The following SPSB4 variants were observed in gnomAD, a reference collection of about 807,000 sequenced individuals.
The protein encoded by SPSB4 is SPRY domain-containing SOCS box protein 4.
SPSB4 carries 21 observed loss-of-function variants against 20.9 expected under a neutral mutation model. That is an observed-to-expected ratio of 1.01 (90% CI 0.71 to 1.45). The LOEUF (loss-of-function observed/expected upper bound fraction) is 1.45, where lower values mean the gene tolerates loss of function less well. SPSB4 is among the 40% of genes most tolerant of loss of function. The pLI, the probability that SPSB4 is intolerant of heterozygous loss-of-function variation, is 0.00. For missense variants in SPSB4, 399 were observed against 399.2 expected (o/e 1.00, Z 0.00); for synonymous variants, 207 against 183.8 (o/e 1.13, Z -1.02).
At chr3:141,063,952 C>G (rs1251227563) in intron 1 of SPSB4, among the ~76,000 whole-genome samples, 1 of 152,260 alleles carries the variant, frequency 6.6e-6, no homozygotes, top group African/African-American at 2.4e-5. Context: ...GAGCCCTCCT[C>G]TCACTCTGCC....
chr3:141,129,048 A>G (rs753147740), intron 2 of SPSB4, among the ~76,000 whole-genome samples: 2 of 152,196 alleles, frequency 1.3e-5, no homozygotes, highest in Admixed American at 6.5e-5. Context: ...GCAACAGTGT[A>G]GCTCCCTTTA....
intron 2 of SPSB4, among the ~76,000 whole-genome samples, chr3:141,114,879 AG>A (rs1310138206): frequency 1.3e-5 from 2 of 152,248 alleles, no homozygotes; most frequent in African/African-American, 4.8e-5. Context: ...TAGACATTGT[AG>A]GCATTGTACA....
intron 2 of SPSB4, among the ~76,000 whole-genome samples, chr3:141,138,134 A>C (rs879304063): frequency 6.6e-6 from 1 of 152,216 alleles, no homozygotes; most frequent in Non-Finnish European, 1.5e-5. Context: ...AGGTGTTTAT[A>C]GTATTCTCTG....
At chr3:141,132,224 G>A (rs750046391) in intron 2 of SPSB4, 2 of 429,110 alleles carry the variant, frequency 4.7e-6, no homozygotes, top group East Asian at 1.8e-4. Flanking sequence ...CCAAAGTGCA[G>A]TGGCACGATC....
intron 2 of SPSB4, among the ~76,000 whole-genome samples, chr3:141,088,501 T>C (rs1015581319): frequency 1.1e-4 from 17 of 152,298 alleles, no homozygotes; most frequent in African/African-American, 3.9e-4. Flanking sequence ...GCTCAACTGG[T>C]TAGGTACTGC....
At chr3:141,096,624 T>C (rs2107793995) in intron 2 of SPSB4, among the ~76,000 whole-genome samples, 1 of 152,372 alleles carries the variant, frequency 6.6e-6, no homozygotes, top group South Asian at 2.1e-4. Flanking sequence ...TGTCTCTCTT[T>C]TTCCAGCATG....
At chr3:141,147,073 G>C in intron 2 of SPSB4, 69 bp from the exon 3 acceptor site, 1 of 1,596,328 alleles carries the variant, frequency 6.3e-7, no homozygotes, top group Non-Finnish European at 8.6e-7. Context: ...GCGGTATGCA[G>C]TGGGGGCTGG....
chr3:141,058,569 A>G (rs1937701801), intron 1 of SPSB4, among the ~76,000 whole-genome samples: 1 of 152,152 alleles, frequency 6.6e-6, no homozygotes, highest in African/African-American at 2.4e-5. Context: ...TGCCTGGCCC[A>G]GTGCTGCATG....
At chr3:141,131,237 A>T (rs12107162) in intron 2 of SPSB4, among the ~76,000 whole-genome samples, 1 of 151,942 alleles carries the variant, frequency 6.6e-6, no homozygotes, top group Admixed American at 6.6e-5. Flanking sequence ...GGGAGCAGAA[A>T]CTAGGATTCC....
At chr3:141,091,185 T>C (rs9866203) in intron 2 of SPSB4, among the ~76,000 whole-genome samples, 9,867 of 152,200 alleles carry the variant, frequency 0.065, 493 homozygotes, top group African/African-American at 0.14. Flanking sequence ...AAAATAGCCA[T>C]GATGTAGCAT....
At chr3:141,075,854 C>T (rs537830746) in intron 2 of SPSB4, among the ~76,000 whole-genome samples, 4 of 147,878 alleles carry the variant, frequency 2.7e-5, no homozygotes, top group Non-Finnish European at 4.4e-5. Flanking sequence ...CGAGACCACC[C>T]TGTCCAACAC....
At chr3:141,093,022 C>T (rs1304195063) in intron 2 of SPSB4, among the ~76,000 whole-genome samples, 2 of 152,102 alleles carry the variant, frequency 1.3e-5, no homozygotes, top group African/African-American at 4.8e-5. Flanking sequence ...GCCTGCAGTA[C>T]AGGCTTCAGG....
At chr3:141,138,709 A>G (rs888275270) in intron 2 of SPSB4, among the ~76,000 whole-genome samples, 19 of 152,150 alleles carry the variant, frequency 1.2e-4, no homozygotes, top group African/African-American at 3.9e-4. Context: ...ACAGTTTGTT[A>G]TAATTTCTGT....
At chr3:141,140,223 T>G (rs1013041977) in intron 2 of SPSB4, among the ~76,000 whole-genome samples, 1 of 152,186 alleles carries the variant, frequency 6.6e-6, no homozygotes, top group Non-Finnish European at 1.5e-5. Flanking sequence ...GTTATTCTAG[T>G]TATCCATTCG....
chr3:141,053,649 T>A (rs1312240848), intron 1 of SPSB4, among the ~76,000 whole-genome samples: 1 of 152,074 alleles, frequency 6.6e-6, no homozygotes, highest in Non-Finnish European at 1.5e-5. Flanking sequence ...ACACGATTCA[T>A]ACATGCGAAA....
chr3:141,134,377 G>T (rs1282968694), intron 2 of SPSB4, among the ~76,000 whole-genome samples: 2 of 152,044 alleles, frequency 1.3e-5, no homozygotes, highest in African/African-American at 2.4e-5. Context: ...GTGAAAGTGG[G>T]CATCCTTGTC....
rs149038128 is a variant in SPSB4 at position 141,073,220 on chromosome 3, G to T, written c.694+6422G>T. On this transcript the variant is annotated intron_variant, in intron 2 of 2. Transcript: ENST00000310546. ...TGCTGTGAGTATTAGAAGTGATGCAGAAATGAAGCACTGCCCAGCATGAGG... is the reference window on the plus strand; with the variant it reads ...TGCTGTGAGTATTAGAAGTGATGCATAAATGAAGCACTGCCCAGCATGAGG... Among the ~76,000 whole-genome samples the T allele has an allele frequency of 2.4e-3, 361 of 152,286 alleles. 1 individual carries two copies. Among genetic ancestry groups the T allele is most frequent in the African/African-American group, 8.3e-3 (346 of 41,564 alleles).
intron 2 of SPSB4, among the ~76,000 whole-genome samples, chr3:141,122,124 T>C (rs934917789): frequency 6.6e-6 from 1 of 152,224 alleles, no homozygotes; most frequent in African/African-American, 2.4e-5. Context: ...TTTGTTGATA[T>C]TGATGCTATT....
chr3:141,096,181 G>A (rs1322959524), intron 2 of SPSB4, among the ~76,000 whole-genome samples: 1 of 152,076 alleles, frequency 6.6e-6, no homozygotes, highest in Admixed American at 6.5e-5. Flanking sequence ...TGTAGAAGAG[G>A]AGCCAAACCT....
Sources: allele counts gnomAD v4.1 joint callset (sites outside exome capture counted in the v4.1 genomes callset), GRCh38; gene constraint gnomAD v4.1.1; transcripts MANE v1.5; gene names NCBI Gene and HGNC (gene_info 2026-07-23, HGNC 2026-07-21).